The following NCALD variants were observed in gnomAD, a reference collection of about 807,000 sequenced individuals.
NCALD encodes the protein neurocalcin-delta.
NCALD carries 10 observed loss-of-function variants against 18.6 expected under a neutral mutation model. That is an observed-to-expected ratio of 0.54 (90% CI 0.33 to 0.91). The LOEUF is 0.91. NCALD is among the 40% of genes least tolerant of loss of function. The pLI is 0.03. For synonymous variants in NCALD, 88 were observed against 87.4 expected (o/e 1.01, Z -0.04); for missense variants, 184 against 247.6 (o/e 0.74, Z 1.72).
chr8:102,107,350 T>A (rs569749905), intron 1 of NCALD, among the ~76,000 whole-genome samples: 17 of 150,710 alleles, frequency 1.1e-4, no homozygotes, highest in South Asian at 2.1e-4. Context: ...AAAGTAAGAG[T>A]CTTTAACAAT....
chr8:101,989,523 T>C (rs1223197308), intron 2 of NCALD, among the ~76,000 whole-genome samples: 1 of 152,238 alleles, frequency 6.6e-6, no homozygotes. Flanking sequence ...AAAATTATAA[T>C]GTGGCAACTT....
At chr8:101,746,718 AATTAT>A (rs748035187) in intron 1 of NCALD, among the ~76,000 whole-genome samples, 79 of 151,548 alleles carry the variant, frequency 5.2e-4, no homozygotes, top group Admixed American at 1.6e-3. Context: ...ATTTTATATT[AATTAT>A]AATTATATAA....
At chr8:101,886,580 T>C (rs2131484061) in intron 4 of NCALD, among the ~76,000 whole-genome samples, 1 of 152,352 alleles carries the variant, frequency 6.6e-6, no homozygotes, top group East Asian at 1.9e-4. Context: ...ATGAGATGGC[T>C]TTTGAGACTC....
At chr8:101,715,783 AG>A (rs1816050216) in intron 2 of NCALD, among the ~76,000 whole-genome samples, 1 of 152,250 alleles carries the variant, frequency 6.6e-6, no homozygotes, top group Non-Finnish European at 1.5e-5. Flanking sequence ...ATCTCATGCC[AG>A]TTAGAATGGT....
At chr8:101,996,931 C>T (rs1396929927) in intron 2 of NCALD, among the ~76,000 whole-genome samples, 1 of 152,218 alleles carries the variant, frequency 6.6e-6, no homozygotes, top group Non-Finnish European at 1.5e-5. Context: ...GCTAGCATGG[C>T]GTTGCATTAA....
intron 4 of NCALD, among the ~76,000 whole-genome samples, chr8:101,837,902 T>G (rs993107745): frequency 6.6e-6 from 1 of 152,186 alleles, no homozygotes; most frequent in Non-Finnish European, 1.5e-5. Flanking sequence ...ACATTCTATA[T>G]TGCAATTCTA....
intron 1 of NCALD, among the ~76,000 whole-genome samples, chr8:101,725,636 A>G (rs755318580): frequency 6.6e-6 from 1 of 152,054 alleles, no homozygotes; most frequent in Non-Finnish European, 1.5e-5. Context: ...ACACCACTAG[A>G]CACTGCTGTG....
rs1382918759 is a variant in NCALD at position 102,120,765 on chromosome 8, T to C, written c.-210+3472A>G. 3.3e-5 allele frequency among the ~76,000 whole-genome samples: 5 copies of C among 152,170 alleles called. No homozygotes were observed. The South Asian group carries it at 1.0e-3, about 32-fold the overall frequency. On this transcript the variant is annotated intron_variant, in intron 1 of 6. Transcript: ENST00000311028. Reference sequence around the variant, plus strand: ...ATATCTCCTGAAAAATTATCATAAATGTTAAATGAGGTATTCCATGTAAAC... The same window carrying C: ...ATATCTCCTGAAAAATTATCATAAACGTTAAATGAGGTATTCCATGTAAAC...
intron 2 of NCALD, among the ~76,000 whole-genome samples, chr8:101,717,103 TG>T (rs1216979873): frequency 1.3e-5 from 2 of 152,212 alleles, no homozygotes; most frequent in African/African-American, 2.4e-5. Flanking sequence ...TCTGAAACAT[TG>T]TTATAGCCAC....
intron 4 of NCALD, among the ~76,000 whole-genome samples, chr8:101,869,540 A>G (rs1040192568): frequency 1.3e-5 from 2 of 152,304 alleles, no homozygotes; most frequent in South Asian, 4.1e-4. Context: ...TTAATTTGTT[A>G]CAGCAGCTAC....
chr8:102,016,335 A>G (rs1057331768), intron 2 of NCALD, among the ~76,000 whole-genome samples: 11 of 152,236 alleles, frequency 7.2e-5, no homozygotes, highest in African/African-American at 2.2e-4. Context: ...GCCCAGAAAC[A>G]TAAGGCCTAC....
At chr8:101,850,334 G>A (rs1464708326) in intron 4 of NCALD, among the ~76,000 whole-genome samples, 2 of 152,230 alleles carry the variant, frequency 1.3e-5, no homozygotes, top group African/African-American at 4.8e-5. Context: ...CTGTATAAAC[G>A]AACCTAACAT....
At chr8:102,107,917 AG>A (rs921305813) in intron 1 of NCALD, among the ~76,000 whole-genome samples, 1 of 152,152 alleles carries the variant, frequency 6.6e-6, no homozygotes, top group African/African-American at 2.4e-5. Flanking sequence ...GTGGTGGCCA[AG>A]GCCTGTGTCC....
At chr8:102,046,617 G>A (rs1421723349) in intron 1 of NCALD, among the ~76,000 whole-genome samples, 5 of 151,912 alleles carry the variant, frequency 3.3e-5, no homozygotes, top group African/African-American at 7.3e-5. Flanking sequence ...TGATCCTCCC[G>A]CCTCAGTCTC....
intron 4 of NCALD, among the ~76,000 whole-genome samples, chr8:101,828,888 C>G (rs1486267644): frequency 1.4e-5 from 2 of 140,440 alleles, no homozygotes; most frequent in Admixed American, 7.4e-5. Context: ...ACGCTGGTAC[C>G]TAATAAGTGA....
intron 1 of NCALD, among the ~76,000 whole-genome samples, chr8:101,773,437 G>A (rs575228204): frequency 6.6e-6 from 1 of 152,206 alleles, no homozygotes; most frequent in Admixed American, 6.5e-5. Flanking sequence ...CAGGCTAATT[G>A]TATAAGTTTC....
At chr8:101,982,409 C>T (rs1189779798) in intron 2 of NCALD, among the ~76,000 whole-genome samples, 1 of 152,172 alleles carries the variant, frequency 6.6e-6, no homozygotes, top group Non-Finnish European at 1.5e-5. Context: ...GTTTACAAAG[C>T]ACTTTATAAC....
intron 2 of NCALD, among the ~76,000 whole-genome samples, chr8:101,973,680 G>A (rs1037968104): frequency 1.3e-5 from 2 of 152,158 alleles, no homozygotes; most frequent in African/African-American, 4.8e-5. Flanking sequence ...CCACAGGTGA[G>A]ACAGATGTGT....
intron 1 of NCALD, among the ~76,000 whole-genome samples, chr8:101,761,389 G>A (rs1811102933): frequency 6.6e-6 from 1 of 152,140 alleles, no homozygotes; most frequent in Non-Finnish European, 1.5e-5. Flanking sequence ...AGAATGAAGG[G>A]CGTGTGAGCA....
Sources: allele counts gnomAD v4.1 joint callset (sites outside exome capture counted in the v4.1 genomes callset), GRCh38; gene constraint gnomAD v4.1.1; transcripts MANE v1.5; gene names NCBI Gene and HGNC (gene_info 2026-07-23, HGNC 2026-07-21).